Variants in MARCHF8 observed in about 807,000 individuals in gnomAD.
MARCHF8 encodes the protein membrane associated ring-CH-type finger 8, also known as E3 ubiquitin-protein ligase MARCHF8.
In MARCHF8, 40 loss-of-function variants were observed where a neutral mutation model predicts 51.6. The ratio of observed to expected loss-of-function variants is 0.77; its 90% CI spans 0.60 to 1.01. MARCHF8 has a LOEUF of 1.01. Among genes scored for constraint, MARCHF8 ranks in the 50% least tolerant of loss-of-function variants. The pLI, the probability that MARCHF8 is intolerant of heterozygous loss-of-function variation, is 0.00. For synonymous variants in MARCHF8, 263 were observed against 280.3 expected, an observed-to-expected ratio of 0.94 and a Z score of 0.62; for missense variants, 685 against 708.6, an observed-to-expected ratio of 0.97 and a Z score of 0.38.
Position 45,456,706 on chromosome 10 carries a change from T to C in MARCHF8, c.*1533A>G, listed in dbSNP as rs574347265. 4 of 152,298 alleles carry C rather than the reference T, an allele frequency of 2.6e-5. No individual in the cohort carries two copies. Among genetic ancestry groups the C allele is most frequent in the South Asian group, 4.1e-4 (2 of 4,824 alleles). 9.4% of individuals were successfully genotyped at this position (152,298 alleles called of 1,614,324 possible). A position where few individuals can be genotyped will look rare whatever the true frequency, so the allele number is the denominator to read the frequency against. ...CTGGAAAGGAAGCATCTGCGCTACA[T>C]TGTGCTTCAGGCCCCCCCAGCAACT... On this transcript the variant is annotated 3_prime_UTR_variant, in exon 8 of 8. Transcript: ENST00000453424.
At chr10:45,583,578 T>C (rs1386563334) in intron 1 of MARCHF8, among the ~76,000 whole-genome samples, 1 of 152,106 alleles carries the variant, frequency 6.6e-6, no homozygotes, top group Non-Finnish European at 1.5e-5. Flanking sequence ...GAATAGTAAA[T>C]AAAACTCAAC....
Position 45,585,924 on chromosome 10 carries a change from C to A in MARCHF8, c.-79+8311G>T, listed in dbSNP as rs185089389. 1.1e-3 allele frequency among the ~76,000 whole-genome samples: 173 copies of A among 152,120 alleles called. 1 individual carries two copies. The highest frequency in any genetic ancestry group is 4.0e-3 in the African/African-American group (168 of 41,528). ...CCTGGACATAATTAGTAACAATTTG[C>A]TTAACATCCTTCTAGACATTTCCTA... On this transcript the variant is annotated intron_variant, in intron 1 of 6. Coordinates refer to the MARCHF8 transcript ENST00000319836.
At chr10:45,558,489 T>A (rs756203735) in intron 1 of MARCHF8, among the ~76,000 whole-genome samples, 2 of 152,180 alleles carry the variant, frequency 1.3e-5, no homozygotes, top group African/African-American at 2.4e-5. Context: ...TGAAGAACAG[T>A]AACACTTCAA....
intron 1 of MARCHF8, among the ~76,000 whole-genome samples, chr10:45,591,114 T>G (rs188387857): frequency 9.8e-5 from 15 of 152,294 alleles, no homozygotes; most frequent in African/African-American, 3.1e-4. Flanking sequence ...ACCTTATAGG[T>G]GTTGAGAAAC....
intron 1 of MARCHF8, among the ~76,000 whole-genome samples, chr10:45,572,377 C>G (rs1471220010): frequency 6.6e-6 from 1 of 152,138 alleles, no homozygotes; most frequent in African/African-American, 2.4e-5. Context: ...CCTCCTTCTT[C>G]TCCCTTAGCC....
At chr10:45,476,451 C>G (rs1324241962) in intron 3 of MARCHF8, among the ~76,000 whole-genome samples, 1 of 151,942 alleles carries the variant, frequency 6.6e-6, no homozygotes, top group Non-Finnish European at 1.5e-5. Flanking sequence ...GCCTGTAGGC[C>G]CAGCTACTCA....
chr10:45,586,674 G>A (rs1372129556), intron 1 of MARCHF8, among the ~76,000 whole-genome samples: 2 of 151,916 alleles, frequency 1.3e-5, no homozygotes, highest in African/African-American at 2.4e-5. Context: ...CCTTCTTGTA[G>A]GCAAAAAGTT....
chr10:45,502,620 A>AG (rs1374743397), intron 2 of MARCHF8, among the ~76,000 whole-genome samples: 23 of 152,234 alleles, frequency 1.5e-4, no homozygotes, highest in African/African-American at 5.3e-4. Context: ...GAAACCCTCA[A>AG]GGCCAGTAGT....
intron 1 of MARCHF8, among the ~76,000 whole-genome samples, chr10:45,562,862 G>A (rs553884072): frequency 1.2e-4 from 18 of 151,656 alleles, no homozygotes; most frequent in Admixed American, 2.0e-4. Flanking sequence ...TTAAGGTAAG[G>A]GCATGAGGAA....
chr10:45,593,702 C>T (rs966633549), intron 1 of MARCHF8: 1 of 152,188 alleles, frequency 6.6e-6, no homozygotes, highest in Admixed American at 6.5e-5. Context: ...TGCAAGGAAA[C>T]ATGGAAAGAG....
chr10:45,560,935 A>G (rs544740381), intron 1 of MARCHF8, among the ~76,000 whole-genome samples: 1 of 152,334 alleles, frequency 6.6e-6, no homozygotes, highest in South Asian at 2.1e-4. Context: ...ATACAAGGAT[A>G]AGATATGTTT....
intron 2 of MARCHF8, among the ~76,000 whole-genome samples, chr10:45,517,799 A>G (rs1157667915): frequency 2.6e-5 from 4 of 152,244 alleles, no homozygotes; most frequent in Admixed American, 2.0e-4. Flanking sequence ...GTATACCTTC[A>G]TGAAAGTCTA....
chr10:45,496,055 C>T (rs1272412213), intron 2 of MARCHF8, among the ~76,000 whole-genome samples: 1 of 151,776 alleles, frequency 6.6e-6, no homozygotes, highest in Non-Finnish European at 1.5e-5. Context: ...AAATGTGAAC[C>T]AAGATAATTA....
chr10:45,494,925 G>C lies in MARCHF8; in HGVS notation c.103-5508C>G, dbSNP rs192002496. Among the ~76,000 whole-genome samples the C allele has an allele frequency of 7.0e-3, 1,062 of 152,300 alleles. 5 individuals are homozygous for C. The highest frequency in any genetic ancestry group is 0.011 in the Non-Finnish European group (750 of 68,024). On this transcript the variant is annotated intron_variant, in intron 2 of 7. Coordinates refer to ENST00000453424, the MANE Select transcript of MARCHF8 (RefSeq NM_001282866.2). ...ACCTGAGGTCAGGAGTTCGAGACCA[G>C]CCTGGCCAACATGGTGAAACCCCAT...
At chr10:45,473,308 G>A (rs1172738860) in intron 3 of MARCHF8, among the ~76,000 whole-genome samples, 1 of 152,212 alleles carries the variant, frequency 6.6e-6, no homozygotes, top group Admixed American at 6.5e-5. Flanking sequence ...ATTCTACCCA[G>A]GAATATTTGA....
intron 2 of MARCHF8, among the ~76,000 whole-genome samples, chr10:45,492,440 G>A (rs2043099931): frequency 6.6e-6 from 1 of 152,122 alleles, no homozygotes; most frequent in South Asian, 2.1e-4. Flanking sequence ...TGGGACTACA[G>A]GCGCCCACCA....
intron 3 of MARCHF8, among the ~76,000 whole-genome samples, chr10:45,467,757 G>A (rs1300541716): frequency 4.0e-5 from 6 of 151,822 alleles, no homozygotes; most frequent in Admixed American, 2.6e-4. Context: ...TGGCACGTGT[G>A]AGCCGGGGGC....
At chr10:45,509,699 G>C (rs2043457820) in intron 2 of MARCHF8, among the ~76,000 whole-genome samples, 1 of 152,210 alleles carries the variant, frequency 6.6e-6, no homozygotes, top group South Asian at 2.1e-4. Context: ...CTGGCTTACA[G>C]AGTTCCCAGC....
chr10:45,512,662 C>T (rs1456163976), intron 2 of MARCHF8, among the ~76,000 whole-genome samples: 9 of 151,788 alleles, frequency 5.9e-5, no homozygotes, highest in African/African-American at 1.9e-4. Context: ...CGCCTCTGCC[C>T]GGCCGTCCCT....
Sources: gnomAD v4.1 joint callset for allele counts (sites outside exome capture counted in the v4.1 genomes callset) on GRCh38, gnomAD v4.1.1 for gene constraint, MANE v1.5 for transcripts, NCBI Gene and HGNC (gene_info 2026-07-23, HGNC 2026-07-21) for gene names.